The following TNFSF4 variants were observed in gnomAD, a reference collection of about 807,000 sequenced individuals.
TNFSF4 encodes tumor necrosis factor ligand superfamily member 4.
Under a neutral mutation model 7.3 loss-of-function variants are expected in TNFSF4, and 4 were observed. The observed-to-expected ratio is 0.55, with a 90% CI of 0.27 to 1.25. The LOEUF is 1.25. TNFSF4 is among the 50% of genes most tolerant of loss of function. TNFSF4 has a pLI of 0.12. For synonymous variants in TNFSF4, 76 were observed against 83.7 expected, an observed-to-expected ratio of 0.91 and a Z score of 0.50; for missense variants, 181 against 208.8, an observed-to-expected ratio of 0.87 and a Z score of 0.82.
the TNFSF4 span, among the ~76,000 whole-genome samples, chr1:173,408,199 C>T: frequency 6.6e-6 from 1 of 152,080 alleles, no homozygotes; most frequent in Admixed American, 6.5e-5. Context: ...AGAGCCAGGC[C>T]CCTCAGGAGA....
chr1:173,215,978 C>A, the TNFSF4 span, among the ~76,000 whole-genome samples: 1 of 152,116 alleles, frequency 6.6e-6, no homozygotes, highest in Non-Finnish European at 1.5e-5. Flanking sequence ...ATCCCAGGCC[C>A]CACCCCAGAC....
At chr1:173,388,052 T>A in the TNFSF4 span, among the ~76,000 whole-genome samples, 1 of 152,346 alleles carries the variant, frequency 6.6e-6, no homozygotes, top group Admixed American at 6.5e-5. Context: ...AAGAAAATAA[T>A]AGCACCTTTC....
At chr1:173,227,941 G>A in the TNFSF4 span, among the ~76,000 whole-genome samples, 1 of 152,218 alleles carries the variant, frequency 6.6e-6, no homozygotes, top group Non-Finnish European at 1.5e-5. Context: ...TGACTGGGAA[G>A]CTCAAACTGG....
At chr1:173,380,724 C>G in the TNFSF4 span, among the ~76,000 whole-genome samples, 3 of 152,160 alleles carry the variant, frequency 2.0e-5, no homozygotes, top group African/African-American at 7.2e-5. Context: ...AACGGGAAAA[C>G]AGAACACAGG....
chr1:173,442,545 G>GTTTTTTTTTTTTTTTTTTTTTTTT, the TNFSF4 span, among the ~76,000 whole-genome samples: 23 of 93,466 alleles, frequency 2.5e-4, 11 homozygotes, highest in Non-Finnish European at 3.9e-4. Context: ...TTTCGTTTTT[G>GTTTTTTTTTTTTTTTTTTTTTTTT]TTTTTGTTTT....
At chr1:173,173,656 T>C in the TNFSF4 span, among the ~76,000 whole-genome samples, 1 of 152,206 alleles carries the variant, frequency 6.6e-6, no homozygotes, top group Non-Finnish European at 1.5e-5. Context: ...CAACACCATA[T>C]GTAAGCTGCC....
At chr1:173,399,473 C>T in the TNFSF4 span, among the ~76,000 whole-genome samples, 1 of 152,020 alleles carries the variant, frequency 6.6e-6, no homozygotes, top group African/African-American at 2.4e-5. Flanking sequence ...AATGGCCAGA[C>T]ATAGAAGTAT....
the TNFSF4 span, among the ~76,000 whole-genome samples, chr1:173,292,720 T>A: frequency 6.6e-6 from 1 of 151,764 alleles, no homozygotes; most frequent in Non-Finnish European, 1.5e-5. Flanking sequence ...TCTTCACAGA[T>A]AATAGAATTC....
chr1:173,187,944 T>A (rs1046799135), intron 2 of TNFSF4, among the ~76,000 whole-genome samples: 3 of 152,174 alleles, frequency 2.0e-5, no homozygotes, highest in African/African-American at 7.2e-5. Flanking sequence ...ACTTTTGAAC[T>A]GAAAAAGAGG....
chr1:173,240,596 G>C, the TNFSF4 span, among the ~76,000 whole-genome samples: 7 of 152,116 alleles, frequency 4.6e-5, no homozygotes, highest in African/African-American at 1.7e-4. Context: ...TTGGCAATCA[G>C]TGGTCATCTA....
the TNFSF4 span, among the ~76,000 whole-genome samples, chr1:173,441,724 T>A: frequency 6.6e-6 from 1 of 152,236 alleles, no homozygotes; most frequent in Non-Finnish European, 1.5e-5. Context: ...TGGTTTTCAC[T>A]CTAAAAGGGA....
the TNFSF4 span, among the ~76,000 whole-genome samples, chr1:173,439,472 C>T: frequency 6.6e-6 from 1 of 152,176 alleles, no homozygotes; most frequent in Non-Finnish European, 1.5e-5. Flanking sequence ...CCTCTGCCCA[C>T]CTGCAGCAGG....
intron 1 of TNFSF4, among the ~76,000 whole-genome samples, chr1:173,189,716 C>A (rs891587277): frequency 1.3e-5 from 2 of 151,524 alleles, no homozygotes; most frequent in African/African-American, 4.9e-5. Flanking sequence ...ATAATAATAA[C>A]ACCTGTGTGG....
the TNFSF4 span, among the ~76,000 whole-genome samples, chr1:173,378,877 T>C: frequency 2.1e-4 from 28 of 131,734 alleles, no homozygotes; most frequent in African/African-American, 5.6e-4. Flanking sequence ...AGAACCCCCC[T>C]CCCCCCCCAC....
the TNFSF4 span, among the ~76,000 whole-genome samples, chr1:173,259,920 G>T: frequency 6.6e-6 from 1 of 152,256 alleles, no homozygotes; most frequent in South Asian, 2.1e-4. Flanking sequence ...ACATACTTCT[G>T]GATATCATGC....
chr1:173,374,370 G>C, the TNFSF4 span, among the ~76,000 whole-genome samples: 1 of 152,156 alleles, frequency 6.6e-6, no homozygotes, highest in African/African-American at 2.4e-5. Flanking sequence ...CTTGTGGGAA[G>C]GACCATACTC....
At chr1:173,245,410 C>G in the TNFSF4 span, among the ~76,000 whole-genome samples, 39 of 152,274 alleles carry the variant, frequency 2.6e-4, no homozygotes, top group African/African-American at 9.1e-4. Context: ...TCAGTTACTA[C>G]AAGCAAAATG....
At chr1:173,270,271 T>C in the TNFSF4 span, among the ~76,000 whole-genome samples, 1 of 152,116 alleles carries the variant, frequency 6.6e-6, no homozygotes, top group East Asian at 1.9e-4. Context: ...AGCTAGACAC[T>C]GATGTTAAAG....
chr1:173,265,748 G>A, the TNFSF4 span, among the ~76,000 whole-genome samples: 1 of 151,902 alleles, frequency 6.6e-6, no homozygotes, highest in African/African-American at 2.4e-5. Flanking sequence ...ATTTCAATTC[G>A]ACTGGGAATG....
Sources: gnomAD v4.1 joint callset for allele counts (sites outside exome capture counted in the v4.1 genomes callset) on GRCh38, gnomAD v4.1.1 for gene constraint, MANE v1.5 for transcripts, NCBI Gene and HGNC (gene_info 2026-07-23, HGNC 2026-07-21) for gene names.